Variants in OR3A2 observed in about 807,000 individuals in gnomAD.
The protein encoded by OR3A2 is olfactory receptor 3A2.
For synonymous variants in OR3A2, 126 were observed against 159.3 expected (o/e 0.79, Z 1.57); for missense variants, 318 against 392.8 (o/e 0.81, Z 1.61).
chr17:3,299,754 C>T (rs1567547041), intron 3 of OR3A2, among the ~76,000 whole-genome samples: 3 of 152,146 alleles, frequency 2.0e-5, no homozygotes, highest in Non-Finnish European at 2.9e-5. Context: ...CAGTGACTGA[C>T]GGCGTGCCTT....
chr17:3,371,149 G>A (rs1268450098), intron 2 of OR3A2, among the ~76,000 whole-genome samples: 2 of 151,958 alleles, frequency 1.3e-5, no homozygotes, highest in African/African-American at 4.8e-5. Context: ...CCCAGACGGG[G>A]TGGTGGCCAG....
chr17:3,346,465 C>G lies in OR3A2; in HGVS notation c.-178-10339G>C, dbSNP rs1014716949. ...CCTGTAATGGGAACAGCAGTAGCAG[C>G]CACCTTGCCTATCAGCCTATCAGCC... is the stretch of plus-strand genomic sequence containing the variant. On this transcript the variant is annotated intron_variant, in intron 2 of 4. Coordinates refer to the OR3A2 transcript ENST00000573491. Among the ~76,000 whole-genome samples, 5 of 152,144 alleles carry G rather than the reference C, an allele frequency of 3.3e-5. No individual in the cohort carries two copies. The East Asian group carries it at 7.7e-4, about 23-fold the overall frequency.
intron 2 of OR3A2, among the ~76,000 whole-genome samples, chr17:3,361,735 T>A (rs2049518554): frequency 6.6e-6 from 1 of 151,888 alleles, no homozygotes; most frequent in African/African-American, 2.4e-5. Flanking sequence ...TTTGTGTATG[T>A]TGAACCAGCC....
At chr17:3,281,307 C>G (rs1029139102) in intron 1 of OR3A2, among the ~76,000 whole-genome samples, 1 of 150,736 alleles carries the variant, frequency 6.6e-6, no homozygotes, top group East Asian at 1.9e-4. Flanking sequence ...GATCTCGGCT[C>G]ACTGCAACCT....
chr17:3,283,913 G>A (rs1401073437), intron 1 of OR3A2, among the ~76,000 whole-genome samples: 2 of 125,892 alleles, frequency 1.6e-5, no homozygotes, highest in Admixed American at 8.1e-5. Flanking sequence ...TCAGGTCACC[G>A]AGACATCCAG....
Position 3,292,095 on chromosome 17 carries a change from G to T in OR3A2, c.-84-12942C>A, listed in dbSNP as rs1567544293. The stretch of plus-strand genomic sequence containing the variant: ...GAAGTTGAGCGTGGACATGGCCACA[G>T]TGTGGGTCAGTGCGTTGGTGAAAGC... On this transcript the variant is annotated intron_variant, in intron 3 of 4. Coordinates refer to the OR3A2 transcript ENST00000573491. 3.1e-6 allele frequency: 5 copies of T among 1,614,236 alleles called. No homozygotes were observed. The highest frequency in any genetic ancestry group is 1.3e-5 in the African/African-American group (1 of 75,068).
chr17:3,283,028 T>G (rs62089528), intron 1 of OR3A2, among the ~76,000 whole-genome samples: 4 of 150,982 alleles, frequency 2.6e-5, no homozygotes, highest in African/African-American at 7.3e-5. Context: ...TTCTGTCTCT[T>G]TCTCTCTCTC....
At chr17:3,283,934 A>G (rs1168240398) in intron 1 of OR3A2, among the ~76,000 whole-genome samples, 1 of 141,878 alleles carries the variant, frequency 7.0e-6, no homozygotes, top group Non-Finnish European at 1.5e-5. Flanking sequence ...AGGGTCTGAC[A>G]GGGTCCCCAC....
chr17:3,310,102 C>T lies in OR3A2; in HGVS notation c.-85+25931G>A. The T allele has an allele frequency of 2.1e-5, 7 of 328,020 alleles. No individual in the cohort carries two copies. In the East Asian group the frequency reaches 5.3e-4, roughly 25 times the overall value. 20.3% of individuals were successfully genotyped at this position (328,020 alleles called of 1,614,324 possible). On this transcript the variant is annotated intron_variant, in intron 3 of 4. Transcript: ENST00000573491. ...AGTCTGTCCAATGCCACTCTTGTTA[C>T]CCATTAAGAGTCAGATATCAAGTCT...
downstream of OR3A2, among the ~76,000 whole-genome samples, chr17:3,276,143 A>G (rs9915361): frequency 0.2 from 30,321 of 151,046 alleles, 4,125 homozygotes; most frequent in African/African-American, 0.37. Context: ...TCATCACAAC[A>G]TTGTTGTTGC....
chr17:3,352,776 C>A (rs1341352712), intron 2 of OR3A2, among the ~76,000 whole-genome samples: 1 of 151,788 alleles, frequency 6.6e-6, no homozygotes, highest in Non-Finnish European at 1.5e-5. Flanking sequence ...TTTTCTATTT[C>A]TGTGAAGAAT....
chr17:3,277,939 A>G, exon 2 of OR3A2: 3 of 1,553,052 alleles, frequency 1.9e-6, no homozygotes, highest in Non-Finnish European at 2.6e-6. Context: ...TCAGTCCAGA[A>G]AAGGCAGGAA....
chr17:3,328,996 T>A (rs2049203797), intron 3 of OR3A2, among the ~76,000 whole-genome samples: 1 of 151,332 alleles, frequency 6.6e-6, no homozygotes, highest in South Asian at 2.1e-4. Context: ...TGGCTCTGTT[T>A]ATATGCTGGA....
intron 1 of OR3A2, among the ~76,000 whole-genome samples, chr17:3,385,231 C>T (rs1489075371): frequency 6.6e-6 from 1 of 152,122 alleles, no homozygotes; most frequent in Non-Finnish European, 1.5e-5. Flanking sequence ...TTGTCAATTC[C>T]TGAAGAACCA....
At chr17:3,305,087 C>T (rs1432185375) in intron 3 of OR3A2, among the ~76,000 whole-genome samples, 1 of 152,100 alleles carries the variant, frequency 6.6e-6, no homozygotes, top group Non-Finnish European at 1.5e-5. Context: ...TTTGTCAAAA[C>T]TCAGTAAGTG....
At chr17:3,376,309 T>C (rs1022789097) in intron 2 of OR3A2, among the ~76,000 whole-genome samples, 4 of 152,154 alleles carry the variant, frequency 2.6e-5, no homozygotes, top group African/African-American at 9.7e-5. Flanking sequence ...TTGGCCAGGA[T>C]AAATAATGGG....
chr17:3,329,179 G>T (rs973414127), intron 3 of OR3A2, among the ~76,000 whole-genome samples: 9 of 151,714 alleles, frequency 5.9e-5, no homozygotes, highest in African/African-American at 2.2e-4. Flanking sequence ...TCTCTTTTTT[G>T]GTTGTGACTC....
intron 3 of OR3A2, among the ~76,000 whole-genome samples, chr17:3,328,969 C>G (rs1162615416): frequency 6.6e-6 from 1 of 151,312 alleles, no homozygotes; most frequent in Non-Finnish European, 1.5e-5. Flanking sequence ...TTGAGATAAT[C>G]ATGTGGTTTT....
In OR3A2 at chr17:3,328,574, G is replaced by A. The variant is rs1187160725; in HGVS notation, c.-85+7459C>T. ...TTCCTTCTCCTGCCTAATTGCCCTG[G>A]CCAGAACTTCCAACACTATGTTGAA... On this transcript the variant is annotated intron_variant, in intron 3 of 4. Coordinates refer to the OR3A2 transcript ENST00000573491. Among the ~76,000 whole-genome samples the A allele has an allele frequency of 6.8e-5, 10 of 146,096 alleles. No homozygotes were observed. In the East Asian group the frequency reaches 7.9e-4, roughly 12 times the overall value.
Sources: allele counts gnomAD v4.1 joint callset (sites outside exome capture counted in the v4.1 genomes callset), GRCh38; gene constraint gnomAD v4.1.1; transcripts MANE v1.5; gene names NCBI Gene and HGNC (gene_info 2026-07-23, HGNC 2026-07-21).